The following GALNT17 variants were observed in gnomAD, a reference collection of about 807,000 sequenced individuals.
GALNT17 encodes polypeptide N-acetylgalactosaminyltransferase 17.
A neutral mutation model predicts 63.7 loss-of-function variants in GALNT17; 29 were observed. That is an observed-to-expected ratio of 0.46 (90% CI 0.34 to 0.62). GALNT17 has a LOEUF of 0.62. Among genes scored for constraint, GALNT17 ranks in the 20% least tolerant of loss-of-function variants. The pLI is 0.01. For synonymous variants in GALNT17, 305 were observed against 318.3 expected (o/e 0.96, Z 0.45); for missense variants, 603 against 799.6 (o/e 0.75, Z 2.97).
chr7:71,504,991 A>C (rs991021125), intron 5 of GALNT17, among the ~76,000 whole-genome samples: 1 of 152,058 alleles, frequency 6.6e-6, no homozygotes, highest in Non-Finnish European at 1.5e-5. Context: ...CCACACTGCA[A>C]TCTTAGGGCA....
At chr7:71,664,917 G>T (rs1311433492) in intron 6 of GALNT17, among the ~76,000 whole-genome samples, 1 of 152,066 alleles carries the variant, frequency 6.6e-6, no homozygotes, top group East Asian at 1.9e-4. Flanking sequence ...TTTTAGTCAG[G>T]TTAGGTTAGA....
intron 1 of GALNT17, among the ~76,000 whole-genome samples, chr7:71,248,780 C>A (rs900008347): frequency 1.3e-5 from 2 of 152,152 alleles, no homozygotes; most frequent in Non-Finnish European, 2.9e-5. Flanking sequence ...TCGGTCTTCC[C>A]CACCCACCTA....
intron 5 of GALNT17, among the ~76,000 whole-genome samples, chr7:71,445,394 G>T (rs1284970540): frequency 6.7e-6 from 1 of 150,114 alleles, no homozygotes; most frequent in Non-Finnish European, 1.5e-5. Flanking sequence ...ATGGGGTTTT[G>T]CCATGTTGGC....
rs1329579489 is a variant in GALNT17, at chr7:71,392,740, C to G, written c.589+4339C>G. Among the ~76,000 whole-genome samples, 4 of 152,146 alleles carry G rather than the reference C, an allele frequency of 2.6e-5. No individual in the cohort carries two copies. The East Asian group carries it at 7.7e-4, about 29-fold the overall frequency. ...CCATTCATCATCCTCCTCCTCCTCT[C>G]CCAAATACCCAGGGGACCGGGAGTT... On this transcript the variant is annotated intron_variant, in intron 3 of 10. Coordinates refer to ENST00000333538, the MANE Select transcript of GALNT17 (RefSeq NM_022479.3).
At chr7:71,698,912 C>T (rs1056028403) in intron 9 of GALNT17, among the ~76,000 whole-genome samples, 1 of 152,114 alleles carries the variant, frequency 6.6e-6, no homozygotes, top group South Asian at 2.1e-4. Flanking sequence ...TGGCTCACGC[C>T]TGTAATCCCA....
intron 1 of GALNT17, among the ~76,000 whole-genome samples, chr7:71,201,499 G>A (rs1275343969): frequency 6.6e-6 from 1 of 151,468 alleles, no homozygotes; most frequent in Non-Finnish European, 1.5e-5. Flanking sequence ...TATTTGATTT[G>A]TGATATTTAG....
chr7:71,292,400 T>G (rs1394920094), intron 1 of GALNT17, among the ~76,000 whole-genome samples: 1 of 152,230 alleles, frequency 6.6e-6, no homozygotes, highest in Non-Finnish European at 1.5e-5. Flanking sequence ...AAGGATTATT[T>G]TCAAATCCTC....
chr7:71,621,877 A>G (rs1790300733), intron 6 of GALNT17, among the ~76,000 whole-genome samples: 1 of 152,186 alleles, frequency 6.6e-6, no homozygotes, highest in African/African-American at 2.4e-5. Context: ...AGAAGAGTAA[A>G]CTAACTTTCT....
At chr7:71,519,822 G>A (rs1252105123) in intron 5 of GALNT17, among the ~76,000 whole-genome samples, 1 of 152,096 alleles carries the variant, frequency 6.6e-6, no homozygotes, top group East Asian at 1.9e-4. Context: ...ATTGCACCTA[G>A]AAGGCATTCA....
intron 1 of GALNT17, among the ~76,000 whole-genome samples, chr7:71,274,724 A>G (rs1383896409): frequency 2.6e-5 from 4 of 152,172 alleles, no homozygotes; most frequent in Non-Finnish European, 4.4e-5. Flanking sequence ...GACCAGTAGT[A>G]CCTACAACTC....
chr7:71,323,842 A>G (rs1041351969), intron 1 of GALNT17, among the ~76,000 whole-genome samples: 1 of 152,340 alleles, frequency 6.6e-6, no homozygotes, highest in East Asian at 1.9e-4. Flanking sequence ...TATGTGCAAG[A>G]CACAAAGATG....
chr7:71,487,492 C>G (rs979187973), intron 5 of GALNT17, among the ~76,000 whole-genome samples: 3 of 152,134 alleles, frequency 2.0e-5, no homozygotes, highest in Non-Finnish European at 4.4e-5. Context: ...CAAGCCAAGC[C>G]TGGATGAGTC....
chr7:71,615,877 C>T (rs1014810676), intron 6 of GALNT17, among the ~76,000 whole-genome samples: 5 of 152,146 alleles, frequency 3.3e-5, no homozygotes, highest in African/African-American at 1.2e-4. Flanking sequence ...CTCCACTCGG[C>T]TTGACAGGAG....
At chr7:71,471,800 A>G (rs1033900589) in intron 5 of GALNT17, among the ~76,000 whole-genome samples, 6 of 152,068 alleles carry the variant, frequency 3.9e-5, no homozygotes, top group Admixed American at 2.0e-4. Context: ...TTCAGTTTGC[A>G]TGTGTGTATT....
intron 5 of GALNT17, among the ~76,000 whole-genome samples, chr7:71,444,827 A>AAAAC (rs879445313): frequency 7.9e-5 from 12 of 152,274 alleles, no homozygotes; most frequent in East Asian, 1.9e-4. Flanking sequence ...TGTCTCAAGG[A>AAAAC]AAACAAACAA....
chr7:71,471,109 A>T (rs1787620783), intron 5 of GALNT17, among the ~76,000 whole-genome samples: 1 of 149,398 alleles, frequency 6.7e-6, no homozygotes, highest in South Asian at 2.1e-4. Context: ...CCAGTGTCTC[A>T]CTCTATTGTC....
intron 6 of GALNT17, among the ~76,000 whole-genome samples, chr7:71,573,391 C>T (rs145170235): frequency 9.9e-5 from 15 of 151,866 alleles, no homozygotes; most frequent in African/African-American, 3.4e-4. Context: ...AGTGCAGTGG[C>T]GCGATCTCGG....
chr7:71,210,990 A>G (rs1248636769), intron 1 of GALNT17, among the ~76,000 whole-genome samples: 2 of 152,356 alleles, frequency 1.3e-5, no homozygotes, highest in East Asian at 3.9e-4. Context: ...TATTTTTGGA[A>G]AAAAGATTCA....
intron 6 of GALNT17, among the ~76,000 whole-genome samples, chr7:71,644,517 G>A (rs1790646868): frequency 1.0e-5 from 1 of 100,172 alleles, no homozygotes; most frequent in Admixed American, 1.5e-4. Context: ...GACAGAGCGA[G>A]ACTCCATCTC....
Sources: allele counts gnomAD v4.1 joint callset (sites outside exome capture counted in the v4.1 genomes callset), GRCh38; gene constraint gnomAD v4.1.1; transcripts MANE v1.5; gene names NCBI Gene and HGNC (gene_info 2026-07-23, HGNC 2026-07-21).